Variants in ZNF695 observed in about 807,000 individuals in gnomAD.
ZNF695 encodes zinc finger protein SBZF3.
In ZNF695, 11 loss-of-function variants were observed where a neutral mutation model predicts 11.2. The ratio of observed to expected loss-of-function variants is 0.98; its 90% confidence interval spans 0.62 to 1.62. The LOEUF (loss-of-function observed/expected upper bound fraction) is 1.62, where lower values mean the gene tolerates loss of function less well. Ranked by LOEUF, ZNF695 falls within the 40% of genes most tolerant of loss-of-function variation. ZNF695 has a pLI of 0.00. For synonymous variants in ZNF695, 190 were observed against 201.4 expected (o/e 0.94, Z 0.48); for missense variants, 559 against 590.5 (o/e 0.95, Z 0.55).
intron 5 of ZNF695, among the ~76,000 whole-genome samples, chr1:246,957,819 G>A (rs578062150): frequency 6.6e-5 from 10 of 151,996 alleles, no homozygotes; most frequent in Middle Eastern, 3.4e-3. Flanking sequence ...ATTTTTAGTG[G>A]AGACAGGTTT....
rs1416378989 is a variant in ZNF695 at position 246,987,714 on chromosome 1, G to T, written c.801C>A (p.Thr267=). 10 of 1,592,658 alleles carry T rather than the reference G, an allele frequency of 6.3e-6. No individual in the cohort carries two copies. In the Middle Eastern group the frequency reaches 8.5e-4, roughly 135 times the overall value. Residue 267 remains threonine (T), a synonymous_variant, in exon 4 of 4, where the codon ACC becomes ACA. Transcript: ENST00000339986. ...VVEKNHTEKK[T]YRCEECGKAF... is the part of the protein sequence containing the mutation. Reference sequence around the variant, plus strand: ...CTTTGCCACATTCTTCACATCTGTAGGTTTTCTTTTCAGTATGATTTTTCT... The same window carrying T: ...CTTTGCCACATTCTTCACATCTGTATGTTTTCTTTTCAGTATGATTTTTCT...
At chr1:246,965,053 T>C (rs1249082487) in intron 5 of ZNF695, among the ~76,000 whole-genome samples, 1 of 151,956 alleles carries the variant, frequency 6.6e-6, no homozygotes, top group Non-Finnish European at 1.5e-5. Flanking sequence ...ATTATGGGAA[T>C]CAGACTGATG....
At chr1:246,955,197 C>A (rs1667965244) in intron 5 of ZNF695, among the ~76,000 whole-genome samples, 1 of 152,182 alleles carries the variant, frequency 6.6e-6, no homozygotes. Flanking sequence ...ATCCATTAAA[C>A]CTCTTTTTCT....
In ZNF695 at chr1:246,976,749, G is replaced by C. The variant is rs188371263; in HGVS notation, c.391-8957C>G. On this transcript the variant is annotated intron_variant, in intron 4 of 5. Transcript: ENST00000487338. ...GCAGAGCTTGCAGTGTGCTGAGATCGCGCCACTGCACTCCAGCCTGGGCGA... is the reference window on the plus strand; with the variant it reads ...GCAGAGCTTGCAGTGTGCTGAGATCCCGCCACTGCACTCCAGCCTGGGCGA... Among the ~76,000 whole-genome samples, 462 of 152,140 alleles carry C rather than the reference G, an allele frequency of 3.0e-3. 3 individuals carry two copies. Among genetic ancestry groups the C allele is most frequent in the African/African-American group, 8.8e-3 (367 of 41,494 alleles).
At chr1:246,959,303 A>AAC (rs1668093396) in intron 5 of ZNF695, among the ~76,000 whole-genome samples, 1 of 69,348 alleles carries the variant, frequency 1.4e-5, no homozygotes, top group African/African-American at 6.7e-5. Context: ...AAAAAAAAAA[A>AAC]AAAAAAAATA....
At chr1:246,978,840 G>T (rs1476213704) in intron 4 of ZNF695, among the ~76,000 whole-genome samples, 2 of 103,938 alleles carry the variant, frequency 1.9e-5, no homozygotes, top group Non-Finnish European at 4.7e-5. Context: ...TTCCAAAGCT[G>T]CTTGTCGGGG....
At position 247,007,965 on chromosome 1, in the gene ZNF695, C is replaced by T. The variant is rs954008404; in HGVS notation, c.-57G>A. ...CTATAAATCTCGCAATACCTGCAGG[C>T]CACAGGGCGATGGAGCCTGCGGCAG... On this transcript the variant is annotated 5_prime_UTR_variant, in exon 1 of 4. Transcript: ENST00000339986. 6 of 1,463,152 alleles carry T rather than the reference C, an allele frequency of 4.1e-6. No homozygotes were observed. The Admixed American group carries it at 8.4e-5, about 21-fold the overall frequency. 90.6% of individuals were successfully genotyped at this position (1,463,152 alleles called of 1,614,324 possible). A position where few individuals can be genotyped will look rare whatever the true frequency, so the allele number is the denominator to read the frequency against.
chr1:246,996,950 T>C (rs957950028), intron 3 of ZNF695, among the ~76,000 whole-genome samples: 3 of 152,198 alleles, frequency 2.0e-5, no homozygotes, highest in Non-Finnish European at 4.4e-5. Context: ...GTAACATTTA[T>C]AAAGGCAAAC....
intron 4 of ZNF695, among the ~76,000 whole-genome samples, chr1:246,978,275 C>T (rs1459705763): frequency 1.3e-5 from 2 of 152,138 alleles, no homozygotes; most frequent in African/African-American, 4.8e-5. Flanking sequence ...AAATGGAATG[C>T]TTATTCTTTA....
In ZNF695 at chr1:246,998,334, G is replaced by A. The variant is rs191986568; in HGVS notation, c.259+1014C>T. On this transcript the variant is annotated intron_variant, in intron 3 of 3. Coordinates refer to ENST00000339986, the MANE Select transcript of ZNF695 (RefSeq NM_020394.5). ...TCAGCAATGTTCTACACTCCCCAAC[G>A]ACCCAGCATATTTAAGAAATCTAGG... Among the ~76,000 whole-genome samples, 322 of 152,216 alleles carry A rather than the reference G, an allele frequency of 2.1e-3. 3 individuals carry two copies. In the Middle Eastern group the frequency reaches 0.027, roughly 13 times the overall value.
chr1:246,986,865 C>T lies in ZNF695; in HGVS notation c.*102G>A, dbSNP rs181513869. On this transcript the variant is annotated 3_prime_UTR_variant, in exon 4 of 4. Transcript: ENST00000339986. Reference sequence around the variant, plus strand: ...AGACTGTAAATGGCCTTTTGACAGTCATTACATTTGTAACACTCTTATTCA... The same window carrying T: ...AGACTGTAAATGGCCTTTTGACAGTTATTACATTTGTAACACTCTTATTCA... 1.1e-4 allele frequency: 161 copies of T among 1,462,930 alleles called. No homozygotes were observed. Among genetic ancestry groups the T allele is most frequent in the Non-Finnish European group, 3.6e-5 (40 of 1,108,852 alleles). The allele number at this position is 1,462,930 out of a possible 1,614,324, so 90.6% of individuals were successfully genotyped here.
chr1:246,999,210 T>C, intron 3 of ZNF695, 138 bp downstream of exon 3: 1 of 655,190 alleles, frequency 1.5e-6, no homozygotes, highest in East Asian at 2.7e-5. Context: ...TGCCCCTATG[T>C]GGGAGCAAGA....
chr1:246,967,280 G>A (rs1668313945), intron 5 of ZNF695: 1 of 441,908 alleles, frequency 2.3e-6, no homozygotes, highest in Admixed American at 2.5e-5. Context: ...AAAAGCCACT[G>A]GATTGAGAAT....
chr1:246,968,971 C>T (rs1242463428), intron 4 of ZNF695: 2 of 152,248 alleles, frequency 1.3e-5, no homozygotes, highest in Non-Finnish European at 2.9e-5. Flanking sequence ...AGAGGGGCTG[C>T]CACGAAAGTC....
At chr1:247,007,493 T>TTA (rs1482993111) in intron 1 of ZNF695, among the ~76,000 whole-genome samples, 2 of 14,760 alleles carry the variant, frequency 1.4e-4, no homozygotes, top group Non-Finnish European at 2.2e-4. Context: ...AGACTCCGTC[T>TTA]CAAAAAAAAA....
At chr1:246,950,094 G>A (rs1667834997) in intron 5 of ZNF695, among the ~76,000 whole-genome samples, 1 of 152,132 alleles carries the variant, frequency 6.6e-6, no homozygotes, top group Non-Finnish European at 1.5e-5. Context: ...AGCCAAAGGA[G>A]GTCATGAGTT....
intron 3 of ZNF695, among the ~76,000 whole-genome samples, chr1:246,997,782 G>C (rs1669254115): frequency 6.6e-6 from 1 of 152,164 alleles, no homozygotes. Context: ...AAGTCGCTAA[G>C]TGAAATAAGC....
intron 3 of ZNF695, among the ~76,000 whole-genome samples, chr1:246,995,788 G>A (rs143140317): frequency 1.4e-5 from 2 of 141,610 alleles, no homozygotes; most frequent in Non-Finnish European, 3.0e-5. Flanking sequence ...ATTCCAACCT[G>A]GGTGACAGAG....
At chr1:247,006,016 G>A (rs1480701999) in intron 1 of ZNF695, among the ~76,000 whole-genome samples, 1 of 151,914 alleles carries the variant, frequency 6.6e-6, no homozygotes. Flanking sequence ...ACAAGGTCAG[G>A]AGATCGAGAT....
Sources: allele counts gnomAD v4.1 joint callset (sites outside exome capture counted in the v4.1 genomes callset), GRCh38; gene constraint gnomAD v4.1.1; transcripts MANE v1.5; gene names NCBI Gene and HGNC (gene_info 2026-07-23, HGNC 2026-07-21).